The following CFH variants were observed in gnomAD, a reference collection of about 807,000 sequenced individuals.
The protein encoded by CFH is H factor 1 (complement).
Under a neutral mutation model 147.3 loss-of-function variants are expected in CFH, and 53 were observed. The observed-to-expected ratio is 0.36, with a 90% CI of 0.29 to 0.45. The LOEUF (loss-of-function observed/expected upper bound fraction) is 0.45, where lower values mean the gene tolerates loss of function less well. Among genes scored for constraint, CFH ranks in the 20% least tolerant of loss-of-function variants. The pLI is 1.00. For missense variants in CFH, 1,380 were observed against 1,498.0 expected (o/e 0.92, Z 1.30); for synonymous variants, 536 against 489.4 (o/e 1.10, Z -1.26).
chr1:196,700,185 C>A (rs1005638432), intron 9 of CFH, among the ~76,000 whole-genome samples: 1 of 152,176 alleles, frequency 6.6e-6, no homozygotes. Flanking sequence ...AGCCACTCCC[C>A]CTTCAAAGAT....
In CFH at chr1:196,737,601, C is replaced by A; in HGVS notation, c.2723C>A (p.Ser908Tyr). 1.2e-6 allele frequency: 2 copies of A among 1,613,356 alleles called. No homozygotes were observed. Among genetic ancestry groups the A allele is most frequent in the Non-Finnish European group, 1.7e-6 (2 of 1,179,616 alleles). ...SYTCEGGFRI[S>Y]EENETTCYMG... ...ACTTGTGAGGGTGGTTTCAGGATAT[C>A]TGAAGAAAATGAAACAACATGCTAC... The change falls in exon 17 of 22, where the codon TCT (serine) becomes TAT (tyrosine). Residue 908 changes from serine to tyrosine, a missense_variant. By Grantham distance (144) the Ser-to-Tyr change is moderately radical. Coordinates refer to ENST00000367429, the MANE Select transcript of CFH (RefSeq NM_000186.4).
At chr1:196,703,798 C>T (rs951258807) in intron 9 of CFH, among the ~76,000 whole-genome samples, 2 of 151,726 alleles carry the variant, frequency 1.3e-5, no homozygotes, top group Admixed American at 1.3e-4. Flanking sequence ...TCCTGGCTAA[C>T]ACAGTGAAAC....
At chr1:196,691,168 C>A (rs1253642196) in intron 9 of CFH, among the ~76,000 whole-genome samples, 1 of 151,770 alleles carries the variant, frequency 6.6e-6, no homozygotes, top group East Asian at 1.9e-4. Flanking sequence ...TTAATATGTA[C>A]ATTGGAATCA....
intron 1 of CFH, among the ~76,000 whole-genome samples, chr1:196,654,173 G>A (rs2149065167): frequency 6.6e-6 from 1 of 152,038 alleles, no homozygotes; most frequent in Non-Finnish European, 1.5e-5. Flanking sequence ...ACCAAATTGA[G>A]AAGATAGTTT....
intron 5 of CFH, 83 bp from the exon 6 acceptor site, chr1:196,679,540 A>G: frequency 9.2e-7 from 1 of 1,081,632 alleles, no homozygotes; most frequent in South Asian, 1.4e-5. Flanking sequence ...TGGAAACAAC[A>G]TTTCTGTTTT....
At chr1:196,713,938 G>C in intron 10 of CFH, 21 bp downstream of exon 10, 1 of 1,601,790 alleles carries the variant, frequency 6.2e-7, no homozygotes, top group Non-Finnish European at 8.5e-7. Context: ...TATTATGTTT[G>C]TATTGATTAT....
Position 196,706,049 on chromosome 1 carries a change from G to T in CFH, c.1337-7686G>T, listed in dbSNP as rs1887973. Among the ~76,000 whole-genome samples, 117 of 151,836 alleles carry T rather than the reference G, an allele frequency of 7.7e-4. 1 individual carries two copies. In the East Asian group the frequency reaches 0.021, roughly 27 times the overall value. ...TGAGGAAAGCAGCTTTATGCACCACGGACAACAGAAGGCTGAGTATGCTAT... is the reference window on the plus strand; with the variant it reads ...TGAGGAAAGCAGCTTTATGCACCACTGACAACAGAAGGCTGAGTATGCTAT... On this transcript the variant is annotated intron_variant, in intron 9 of 21. Coordinates refer to ENST00000367429, the MANE Select transcript of CFH (RefSeq NM_000186.4).
chr1:196,689,547 G>T lies in CFH; in HGVS notation c.1092G>T (p.Pro364=), dbSNP rs147549495. Residue 364 remains proline (P), a synonymous_variant, in exon 8 of 22, where the codon CCG becomes CCT. Transcript: ENST00000367429. The part of the protein sequence containing the change: ...SYYCDEHFET[P]SGSYWDHIHC... ...ACTGTGATGAACATTTTGAGACTCC[G>T]TCAGGAAGTTACTGGGATCACATTC... 1.5e-5 allele frequency: 24 copies of T among 1,613,424 alleles called. No individual in the cohort carries two copies. The Admixed American group carries it at 3.8e-4, about 26-fold the overall frequency.
intron 1 of CFH, among the ~76,000 whole-genome samples, chr1:196,665,174 T>TA (rs1260269673): frequency 4.0e-5 from 6 of 151,732 alleles, no homozygotes; most frequent in Non-Finnish European, 5.9e-5. Flanking sequence ...GTGCTTTTGT[T>TA]ACTGCAAGAA....
At chr1:196,664,312 T>G (rs1431997989) in intron 1 of CFH, among the ~76,000 whole-genome samples, 1 of 152,170 alleles carries the variant, frequency 6.6e-6, no homozygotes, top group Non-Finnish European at 1.5e-5. Context: ...TTCTCCCACC[T>G]CAGCCTCCCA....
In CFH at chr1:196,673,950, C is replaced by G. The variant is rs1341858843; in HGVS notation, c.338C>G (p.Thr113Arg). The G allele has an allele frequency of 6.2e-7, 1 of 1,608,816 alleles. No homozygotes were observed. Among genetic ancestry groups the G allele is most frequent in the African/African-American group, 1.3e-5 (1 of 74,714 alleles). The change falls in exon 3 of 22, where the codon ACA becomes AGA. Residue 113 changes from threonine (T) to arginine (R), a missense_variant. By Grantham distance (71) the Thr-to-Arg change is moderately conservative. Coordinates refer to ENST00000367429, the MANE Select transcript of CFH (RefSeq NM_000186.4). Reference protein sequence around the residue: ...VFEYGVKAVYTCNEGYQLLGE... With the variant: ...VFEYGVKAVYRCNEGYQLLGE... The stretch of plus-strand genomic sequence containing the variant: ...GAATATGGTGTAAAAGCTGTGTATA[C>G]ATGTAATGAGGGGTATGTAGTCCAT...
intron 9 of CFH, among the ~76,000 whole-genome samples, chr1:196,712,377 A>G: frequency 6.6e-6 from 1 of 151,306 alleles, no homozygotes; most frequent in Middle Eastern, 3.4e-3. Context: ...ATAAATAATA[A>G]TTTATTTTCA....
rs1353876061 is a variant in CFH at position 196,740,856 on chromosome 1, C to A, written c.2956+64C>A. 4.6e-6 allele frequency: 7 copies of A among 1,506,122 alleles called. No homozygotes were observed. The African/African-American group carries it at 6.9e-5, about 15-fold the overall frequency. 93.3% of individuals were successfully genotyped at this position (1,506,122 alleles called of 1,614,324 possible). ...TTCTTCATTCAAAGTGTAAGTGGTACCAATAAGAAAGTAAACAGGGACTCT... is the reference window on the plus strand; with the variant it reads ...TTCTTCATTCAAAGTGTAAGTGGTAACAATAAGAAAGTAAACAGGGACTCT... On this transcript the variant is annotated intron_variant, in intron 18 of 21. Transcript: ENST00000367429.
At chr1:196,699,607 G>A (rs1042261851) in intron 9 of CFH, among the ~76,000 whole-genome samples, 14 of 152,112 alleles carry the variant, frequency 9.2e-5, no homozygotes, top group African/African-American at 3.1e-4. Context: ...CTAAACCAAG[G>A]CCATATACAG....
rs1558184527 is a variant in CFH at position 196,740,676 on chromosome 1, A to G, written c.2840A>G (p.Asp947Gly). The G allele has an allele frequency of 1.2e-6, 2 of 1,613,956 alleles. No individual in the cohort carries two copies. Among genetic ancestry groups the G allele is most frequent in the Non-Finnish European group, 8.5e-7 (1 of 1,179,964 alleles). The stretch of plus-strand genomic sequence containing the variant: ...CATGGTGTTGTAGCTCACATGTCAG[A>G]CAGTTATCAGTATGGAGAAGAAGTT... ...ISHGVVAHMSDSYQYGEEVTY... is the reference protein window; with the variant it reads ...ISHGVVAHMSGSYQYGEEVTY... Residue 947 changes from aspartate to glycine, a missense_variant, in exon 18 of 22, where the codon GAC (aspartate) becomes GGC (glycine). This residue lies in a region of CFH where 830 missense variants were observed against 821.4 expected (regional missense o/e 1.01). Transcript: ENST00000367429.
intron 1 of CFH, among the ~76,000 whole-genome samples, chr1:196,659,146 CGTT>C (rs1666822151): frequency 6.6e-6 from 1 of 152,036 alleles, no homozygotes; most frequent in Non-Finnish European, 1.5e-5. Context: ...TTAATAAGCC[CGTT>C]GTACATACAT....
chr1:196,733,112 T>G (rs1444534956), intron 15 of CFH, among the ~76,000 whole-genome samples: 1 of 151,996 alleles, frequency 6.6e-6, no homozygotes, highest in Admixed American at 6.6e-5. Context: ...CTAAACTTGG[T>G]CCAGGAAGAA....
chr1:196,702,060 A>G (rs78335017), intron 9 of CFH, among the ~76,000 whole-genome samples: 2,214 of 152,278 alleles, frequency 0.015, 55 homozygotes, highest in African/African-American at 0.05. Flanking sequence ...AGAAAAAGGT[A>G]AAATCATGAT....
At chr1:196,740,374 C>A (rs963933527) in intron 17 of CFH, among the ~76,000 whole-genome samples, 1 of 152,158 alleles carries the variant, frequency 6.6e-6, no homozygotes, top group African/African-American at 2.4e-5. Context: ...GTTTACCAGG[C>A]ATAGATGATC....
Sources: allele counts gnomAD v4.1 joint callset (sites outside exome capture counted in the v4.1 genomes callset), GRCh38; gene constraint gnomAD v4.1.1; regional missense constraint gnomAD v4.1.1; transcripts MANE v1.5; gene names NCBI Gene and HGNC (gene_info 2026-07-23, HGNC 2026-07-21).